The following ZNF362 variants were observed in gnomAD, a reference collection of about 807,000 sequenced individuals.
ZNF362 encodes zinc finger protein 362.
In ZNF362, 11 loss-of-function variants were observed where a neutral mutation model predicts 42.9. The observed-to-expected ratio is 0.26, with a 90% CI of 0.16 to 0.42. The LOEUF is 0.42. Ranked by LOEUF, ZNF362 falls within the 20% of genes least tolerant of loss-of-function variation. ZNF362 has a pLI of 1.00. For synonymous variants in ZNF362, 255 were observed against 257.3 expected, an observed-to-expected ratio of 0.99 and a Z score of 0.09; for missense variants, 362 against 576.2, an observed-to-expected ratio of 0.63 and a Z score of 3.81.
intron 6 of ZNF362, among the ~76,000 whole-genome samples, chr1:33,293,051 C>A (rs1259622122): frequency 6.6e-6 from 1 of 152,252 alleles, no homozygotes; most frequent in East Asian, 1.9e-4. Context: ...CTCGGGATTC[C>A]CCATCTAGCA....
At chr1:33,131,122 C>G in the ZNF362 span, among the ~76,000 whole-genome samples, 1 of 152,124 alleles carries the variant, frequency 6.6e-6, no homozygotes, top group Admixed American at 6.5e-5. Flanking sequence ...CCACTGTGAG[C>G]TGGGGAAGAA....
the ZNF362 span, among the ~76,000 whole-genome samples, chr1:33,227,021 G>A: frequency 1.1e-3 from 166 of 152,278 alleles, no homozygotes; most frequent in South Asian, 2.1e-3. Flanking sequence ...AGGGGCTGAG[G>A]GAAGGGATGA....
chr1:33,216,581 C>T, the ZNF362 span, among the ~76,000 whole-genome samples: 3 of 79,386 alleles, frequency 3.8e-5, no homozygotes, highest in Non-Finnish European at 6.7e-5. Context: ...GCGTGGGCCA[C>T]AGAGCAAGAC....
the ZNF362 span, among the ~76,000 whole-genome samples, chr1:33,149,624 T>C: frequency 1.3e-5 from 2 of 151,602 alleles, no homozygotes; most frequent in Non-Finnish European, 2.9e-5. Context: ...GCAGCTAATT[T>C]TTAAATTTTT....
the ZNF362 span, among the ~76,000 whole-genome samples, chr1:33,127,975 T>C: frequency 6.6e-6 from 1 of 152,178 alleles, no homozygotes; most frequent in East Asian, 1.9e-4. Context: ...ATTAGCTGTG[T>C]ATCCTGGCCT....
the ZNF362 span, among the ~76,000 whole-genome samples, chr1:33,167,047 T>C: frequency 6.6e-6 from 1 of 152,194 alleles, no homozygotes; most frequent in Non-Finnish European, 1.5e-5. The surrounding 1 kb of genome is among the most constrained non-coding windows in gnomAD (Gnocchi z 4.2). Context: ...CTCCACCATC[T>C]TGAGCTCGTT....
the ZNF362 span, chr1:33,181,214 C>T: frequency 6.3e-7 from 1 of 1,579,704 alleles, no homozygotes; most frequent in South Asian, 1.1e-5. The surrounding 1 kb of genome is among the most constrained non-coding windows in gnomAD (Gnocchi z 6.5). Context: ...AGCTGTAGCG[C>T]TCCACGATGT....
chr1:33,268,256 C>T (rs1645878159), intron 1 of ZNF362, among the ~76,000 whole-genome samples: 2 of 152,156 alleles, frequency 1.3e-5, no homozygotes, highest in African/African-American at 4.8e-5. Context: ...ACACAGAGGA[C>T]AGCACAGTGC....
chr1:33,138,626 C>CAA, the ZNF362 span, among the ~76,000 whole-genome samples: 239 of 66,096 alleles, frequency 3.6e-3, no homozygotes, highest in Middle Eastern at 0.016. Flanking sequence ...ACAACAACAA[C>CAA]AAAAAAAAAA....
At chr1:33,188,150 C>T in the ZNF362 span, among the ~76,000 whole-genome samples, 8 of 152,130 alleles carry the variant, frequency 5.3e-5, no homozygotes, top group African/African-American at 1.9e-4. Context: ...AAGAGAATCC[C>T]TTGAACCCAG....
the ZNF362 span, among the ~76,000 whole-genome samples, chr1:33,217,574 G>C: frequency 6.6e-6 from 1 of 152,144 alleles, no homozygotes; most frequent in South Asian, 2.1e-4. Context: ...CCCACCTGGG[G>C]AAGCAAGATC....
the ZNF362 span, among the ~76,000 whole-genome samples, chr1:33,172,492 G>T: frequency 1.3e-5 from 2 of 152,054 alleles, no homozygotes; most frequent in African/African-American, 4.8e-5. Flanking sequence ...GTGGGCACTG[G>T]AGGAGGCCTT....
the ZNF362 span, among the ~76,000 whole-genome samples, chr1:33,174,989 GCA>G: frequency 8.5e-4 from 68 of 79,926 alleles, no homozygotes; most frequent in African/African-American, 2.9e-3. Context: ...ACATATATAT[GCA>G]CACACACATG....
the ZNF362 span, among the ~76,000 whole-genome samples, chr1:33,197,005 CT>C: frequency 1.3e-5 from 2 of 152,268 alleles, 1 homozygote; most frequent in South Asian, 4.1e-4. Flanking sequence ...ATCCAATGGG[CT>C]GCCAGCTAGA....
chr1:33,151,222 C>T, the ZNF362 span, among the ~76,000 whole-genome samples: 12 of 152,224 alleles, frequency 7.9e-5, no homozygotes, highest in South Asian at 6.2e-4. Context: ...CCAGCCCTGG[C>T]GAGCGGACCT....
At chr1:33,216,620 GAAACAGGAAAA>G in the ZNF362 span, among the ~76,000 whole-genome samples, 8 of 113,406 alleles carry the variant, frequency 7.1e-5, no homozygotes, top group Non-Finnish European at 1.5e-4. Context: ...AAAAAAAAAA[GAAACAGGAAAA>G]AAAAAATTCC....
the ZNF362 span, among the ~76,000 whole-genome samples, chr1:33,193,525 C>A: frequency 1.3e-5 from 2 of 152,138 alleles, no homozygotes; most frequent in African/African-American, 2.4e-5. Context: ...GATGAAATAA[C>A]CTGGATAATT....
At chr1:33,200,323 C>T in the ZNF362 span, 2 of 151,800 alleles carry the variant, frequency 1.3e-5, no homozygotes, top group Admixed American at 6.6e-5. Flanking sequence ...AGAGTGAAAC[C>T]CTGTCTCTTA....
the ZNF362 span, among the ~76,000 whole-genome samples, chr1:33,220,499 T>C: frequency 0.91 from 137,954 of 151,944 alleles, 63,411 homozygotes; most frequent in Non-Finnish European, 0.98. Flanking sequence ...CATCTGTTTG[T>C]CCCCAGTTCC....
Sources: allele counts gnomAD v4.1 joint callset (sites outside exome capture counted in the v4.1 genomes callset), GRCh38; gene constraint gnomAD v4.1.1; non-coding constraint Gnocchi (gnomAD v3.1); transcripts MANE v1.5; gene names NCBI Gene and HGNC (gene_info 2026-07-23, HGNC 2026-07-21).